The following NRXN3 variants were observed in gnomAD, a reference collection of about 807,000 sequenced individuals.
NRXN3 encodes neurexin III.
NRXN3 carries 32 observed loss-of-function variants against 137.6 expected under a neutral mutation model. The observed-to-expected ratio is 0.23, with a 90% CI of 0.18 to 0.31. The LOEUF is 0.31. Among genes scored for constraint, NRXN3 ranks in the 10% least tolerant of loss-of-function variants. The pLI is 1.00. For missense variants in NRXN3, 1,574 were observed against 2,062.5 expected (o/e 0.76, Z 4.59); for synonymous variants, 798 against 784.5 (o/e 1.02, Z -0.29).
intron 4 of NRXN3, among the ~76,000 whole-genome samples, chr14:78,421,865 T>C (rs773901930): frequency 2.6e-5 from 4 of 152,086 alleles, no homozygotes; most frequent in Admixed American, 6.6e-5. Context: ...ATTAACTTTT[T>C]CCCTTATAAT....
chr14:79,401,740 C>A lies in NRXN3; in HGVS notation c.3263-65481C>A, dbSNP rs184873782. Among the ~76,000 whole-genome samples the A allele has an allele frequency of 5.3e-5, 8 of 151,974 alleles. No homozygotes were observed. The East Asian group carries it at 1.6e-3, about 29-fold the overall frequency. On this transcript the variant is annotated intron_variant, in intron 15 of 20. Transcript: ENST00000335750. ...AGGTGTTATATGACAGGACAATGGA[C>A]CTCAAACTCAAGATTCTTTTTCCTC...
At chr14:79,425,409 C>T (rs528379195) in intron 15 of NRXN3, among the ~76,000 whole-genome samples, 4 of 152,264 alleles carry the variant, frequency 2.6e-5, no homozygotes, top group Admixed American at 1.3e-4. Context: ...CTTAGAAAAC[C>T]TTCAGTGCCT....
intron 6 of NRXN3, among the ~76,000 whole-genome samples, chr14:78,663,186 T>A (rs1406477218): frequency 6.6e-6 from 1 of 152,182 alleles, no homozygotes; most frequent in East Asian, 1.9e-4. Flanking sequence ...TTTCTACCAA[T>A]TCAGTCATAA....
intron 15 of NRXN3, among the ~76,000 whole-genome samples, chr14:79,092,134 G>A (rs1486989336): frequency 6.6e-6 from 1 of 152,192 alleles, no homozygotes; most frequent in Non-Finnish European, 1.5e-5. Flanking sequence ...AGTTGTGAAA[G>A]ATTTATGATG....
intron 2 of NRXN3, among the ~76,000 whole-genome samples, chr14:78,244,315 A>G (rs937418394): frequency 6.6e-6 from 1 of 152,158 alleles, no homozygotes; most frequent in Non-Finnish European, 1.5e-5. Flanking sequence ...CTGTAGTCAC[A>G]GCTACTCGCA....
intron 19 of NRXN3, among the ~76,000 whole-genome samples, chr14:79,801,001 G>C (rs2099177532): frequency 6.6e-6 from 1 of 152,220 alleles, no homozygotes; most frequent in African/African-American, 2.4e-5. Flanking sequence ...TCTGGCAGAG[G>C]AAGTCTTTCC....
At chr14:79,373,422 G>T (rs920030461) in intron 15 of NRXN3, among the ~76,000 whole-genome samples, 14 of 152,244 alleles carry the variant, frequency 9.2e-5, no homozygotes, top group African/African-American at 2.9e-4. Context: ...GTGGCAAAAT[G>T]ATAAAAATAA....
chr14:79,668,560 C>T (rs2098583686), intron 17 of NRXN3, among the ~76,000 whole-genome samples: 1 of 152,126 alleles, frequency 6.6e-6, no homozygotes, highest in Non-Finnish European at 1.5e-5. Flanking sequence ...TTCTCAGAGC[C>T]ACGATTTTAT....
intron 2 of NRXN3, among the ~76,000 whole-genome samples, chr14:78,255,712 T>A (rs2069460584): frequency 6.6e-6 from 1 of 152,260 alleles, no homozygotes; most frequent in African/African-American, 2.4e-5. Context: ...CAGGCTTGTT[T>A]GCTAAATGTC....
intron 15 of NRXN3, among the ~76,000 whole-genome samples, chr14:79,015,184 T>C (rs964553608): frequency 3.2e-4 from 49 of 151,740 alleles, no homozygotes; most frequent in African/African-American, 1.1e-3. Flanking sequence ...TTGTCACCGG[T>C]GCACCAACTG....
At chr14:79,740,769 A>ATATAG (rs2098960538) in intron 19 of NRXN3, among the ~76,000 whole-genome samples, 2 of 63,286 alleles carry the variant, frequency 3.2e-5, no homozygotes, top group East Asian at 5.3e-4. Flanking sequence ...TATATATATA[A>ATATAG]CCTTACTTCT....
Position 78,732,768 on chromosome 14 carries a change from C to A in NRXN3, c.2044+17629C>A, listed in dbSNP as rs2098522460. On this transcript the variant is annotated intron_variant, in intron 8 of 20. Transcript: ENST00000335750. ...GCCAGTTCCAGAAAATCATTAGCTT[C>A]AAAATCTAGACATGAGAGAAAGGTT... Among the ~76,000 whole-genome samples, 7 of 152,220 alleles carry A rather than the reference C, an allele frequency of 4.6e-5. No individual in the cohort carries two copies. The South Asian group carries it at 1.2e-3, about 27-fold the overall frequency.
intron 4 of NRXN3, among the ~76,000 whole-genome samples, chr14:78,554,743 G>A (rs773459339): frequency 2.0e-5 from 3 of 152,108 alleles, no homozygotes; most frequent in Non-Finnish European, 4.4e-5. Flanking sequence ...AGTAAACGTG[G>A]TTGCTGACAT....
At chr14:78,993,935 C>T (rs150219894) in intron 15 of NRXN3, among the ~76,000 whole-genome samples, 1,765 of 148,372 alleles carry the variant, frequency 0.012, 23 homozygotes, top group African/African-American at 0.041. Flanking sequence ...CTGCAACCTC[C>T]GCCTCTTGGG....
intron 1 of NRXN3, among the ~76,000 whole-genome samples, chr14:78,187,898 G>C (rs1293279556): frequency 6.6e-6 from 1 of 151,910 alleles, no homozygotes; most frequent in African/African-American, 2.4e-5. Flanking sequence ...GTACTGTGGA[G>C]GAAGGGGAGT....
chr14:79,732,931 AAAG>A (rs1292199060), intron 19 of NRXN3, among the ~76,000 whole-genome samples: 3 of 152,182 alleles, frequency 2.0e-5, no homozygotes, highest in African/African-American at 7.2e-5. Context: ...TTAAGACTCA[AAAG>A]AAGATGTTCA....
chr14:79,656,854 G>C (rs1459934098), intron 16 of NRXN3, among the ~76,000 whole-genome samples: 2 of 152,040 alleles, frequency 1.3e-5, no homozygotes, highest in East Asian at 3.9e-4. Flanking sequence ...TAAAGATTTA[G>C]AAAAGGAGAA....
At chr14:78,660,260 T>TAC (rs2097827116) in intron 6 of NRXN3, among the ~76,000 whole-genome samples, 1 of 149,612 alleles carries the variant, frequency 6.7e-6, no homozygotes, top group African/African-American at 2.5e-5. Context: ...GATTTATATA[T>TAC]ATATATATAT....
intron 4 of NRXN3, among the ~76,000 whole-genome samples, chr14:78,409,144 A>G (rs1178153802): frequency 6.6e-6 from 1 of 152,262 alleles, no homozygotes. Context: ...AAAGCAAGTC[A>G]TATCATTTCC....
Sources: allele counts gnomAD v4.1 joint callset (sites outside exome capture counted in the v4.1 genomes callset), GRCh38; gene constraint gnomAD v4.1.1; transcripts MANE v1.5; gene names NCBI Gene and HGNC (gene_info 2026-07-23, HGNC 2026-07-21).